SRGAP3: variants seen among roughly 807,000 people sequenced by gnomAD.
SRGAP3 encodes SLIT-ROBO Rho GTPase activating protein 3.
Under a neutral mutation model 121.1 loss-of-function variants are expected in SRGAP3, and 39 were observed. The observed-to-expected ratio is 0.32, with a 90% confidence interval of 0.25 to 0.42. SRGAP3 has a LOEUF of 0.42. SRGAP3 is among the 10% of genes least tolerant of loss of function. The pLI is 1.00. For synonymous variants in SRGAP3, 601 were observed against 570.0 expected, an observed-to-expected ratio of 1.05 and a Z score of -0.77; for missense variants, 1,213 against 1,470.6, an observed-to-expected ratio of 0.82 and a Z score of 2.86.
chr3:9,101,153 G>A (rs1948200476), intron 3 of SRGAP3, among the ~76,000 whole-genome samples: 1 of 152,348 alleles, frequency 6.6e-6, no homozygotes, highest in South Asian at 2.1e-4. Context: ...GAGCTATCCT[G>A]AGAGGTAAGG....
At chr3:9,297,764 C>T (rs1370213408) in intron 3 of SRGAP3, among the ~76,000 whole-genome samples, 1 of 151,964 alleles carries the variant, frequency 6.6e-6, no homozygotes, top group African/African-American at 2.4e-5. Flanking sequence ...GGCATTGTGG[C>T]GTGTGCCTGT....
Position 9,124,703 on chromosome 3 carries a change from G to A in SRGAP3, c.260+22C>T, listed in dbSNP as rs764057360. 5.6e-6 allele frequency: 9 copies of A among 1,613,606 alleles called. No individual in the cohort carries two copies. The Middle Eastern group carries it at 5.0e-4, about 89-fold the overall frequency. ...CCCCAGTGCTGCCTCCCATCTCTGT[G>A]CACCCATACCCAACTTCTTACTTGA... On this transcript the variant is annotated intron_variant, in intron 2 of 21. Transcript: ENST00000383836.
intron 1 of SRGAP3, among the ~76,000 whole-genome samples, chr3:9,179,937 C>T (rs539743078): frequency 6.6e-6 from 1 of 152,344 alleles, no homozygotes; most frequent in East Asian, 1.9e-4. Context: ...GGGCCAGATG[C>T]CCGGTCAATA....
chr3:9,272,103 TG>T (rs1954488485), intron 3 of SRGAP3, among the ~76,000 whole-genome samples: 1 of 152,250 alleles, frequency 6.6e-6, no homozygotes, highest in African/African-American at 2.4e-5. Context: ...CTGCCTTTAC[TG>T]GGCAGCTAGG....
At chr3:9,183,931 T>A (rs1164381557) in intron 1 of SRGAP3, among the ~76,000 whole-genome samples, 1 of 152,080 alleles carries the variant, frequency 6.6e-6, no homozygotes, top group African/African-American at 2.4e-5. Context: ...GAGCCAGTTG[T>A]AGCAGCGACT....
At chr3:9,000,871 A>G (rs1212366909) in intron 18 of SRGAP3, among the ~76,000 whole-genome samples, 2 of 152,238 alleles carry the variant, frequency 1.3e-5, no homozygotes, top group African/African-American at 4.8e-5. Context: ...TCCGGGAAAG[A>G]GACTTCTACC....
chr3:9,097,369 A>C (rs1238591870), intron 3 of SRGAP3, among the ~76,000 whole-genome samples: 2 of 152,150 alleles, frequency 1.3e-5, no homozygotes, highest in African/African-American at 4.8e-5. Context: ...TCCTTACAAC[A>C]ACCTTTTGAT....
intron 3 of SRGAP3, among the ~76,000 whole-genome samples, chr3:9,275,640 T>G (rs2125262604): frequency 6.6e-6 from 1 of 152,322 alleles, no homozygotes; most frequent in African/African-American, 2.4e-5. Flanking sequence ...GATGGTTTTA[T>G]AAGGGGTTTC....
At chr3:9,319,440 T>C (rs971488271) in intron 3 of SRGAP3, among the ~76,000 whole-genome samples, 8 of 151,746 alleles carry the variant, frequency 5.3e-5, no homozygotes, top group African/African-American at 1.9e-4. Context: ...AGTCCTCAAC[T>C]GACAACTGCA....
chr3:9,113,744 C>T (rs1463605416), intron 2 of SRGAP3, among the ~76,000 whole-genome samples: 1 of 151,980 alleles, frequency 6.6e-6, no homozygotes, highest in Non-Finnish European at 1.5e-5. Flanking sequence ...AATGAGTTCT[C>T]ACAAGATCTG....
intron 1 of SRGAP3, among the ~76,000 whole-genome samples, chr3:9,222,260 C>T (rs1452576226): frequency 1.3e-5 from 2 of 152,206 alleles, no homozygotes; most frequent in Non-Finnish European, 2.9e-5. Flanking sequence ...AGTTGAAGTA[C>T]CAGAAATGAC....
intron 1 of SRGAP3, chr3:9,193,226 G>C (rs1178645086): frequency 6.6e-6 from 1 of 152,198 alleles, no homozygotes; most frequent in East Asian, 1.9e-4. Context: ...GCTTGAGGGA[G>C]GTTCTGACCC....
intron 1 of SRGAP3, among the ~76,000 whole-genome samples, chr3:9,171,934 T>C (rs937810954): frequency 2.6e-5 from 4 of 152,018 alleles, no homozygotes; most frequent in African/African-American, 9.7e-5. Context: ...TGTCCTGGCT[T>C]CTGGGGGCTG....
chr3:9,011,094 G>A (rs936972525), intron 17 of SRGAP3, among the ~76,000 whole-genome samples: 20 of 152,114 alleles, frequency 1.3e-4, no homozygotes, highest in Admixed American at 6.5e-4. Context: ...GCAGTGTGCT[G>A]GTAGGAGGGA....
At chr3:9,223,566 C>T (rs1952888778) in intron 1 of SRGAP3, among the ~76,000 whole-genome samples, 1 of 152,164 alleles carries the variant, frequency 6.6e-6, no homozygotes, top group Non-Finnish European at 1.5e-5. Flanking sequence ...CCTCATGATA[C>T]ATTAAAGATA....
In SRGAP3 at chr3:9,006,627, A is replaced by G. The variant is rs527645083; in HGVS notation, c.2227+3681T>C. ...TTGTAAACAGACCAACAGGGGGAGGAGTCAAAGGTAACCTCAAAAATTTCA... is the reference window on the plus strand; with the variant it reads ...TTGTAAACAGACCAACAGGGGGAGGGGTCAAAGGTAACCTCAAAAATTTCA... On this transcript the variant is annotated intron_variant, in intron 18 of 21. Transcript: ENST00000383836. 7.9e-5 allele frequency among the ~76,000 whole-genome samples: 12 copies of G among 152,296 alleles called. No homozygotes were observed. In the East Asian group the frequency reaches 1.7e-3, roughly 22 times the overall value.
chr3:9,301,509 T>C (rs1321128203), intron 3 of SRGAP3, among the ~76,000 whole-genome samples: 1 of 152,230 alleles, frequency 6.6e-6, no homozygotes, highest in Non-Finnish European at 1.5e-5. Context: ...AAATTCTCTC[T>C]TTTGTGCCAC....
At position 9,349,097 on chromosome 3, in the gene SRGAP3, G is replaced by GA. The variant is rs148919400; in HGVS notation, n.214+13742dup. 1.1e-3 allele frequency: 974 copies of GA among 909,766 alleles called. 12 individuals carry two copies. In the East Asian group the frequency reaches 0.023, roughly 22 times the overall value. 56.4% of individuals were successfully genotyped at this position (909,766 alleles called of 1,614,324 possible). On this transcript the variant is annotated intron_variant and non_coding_transcript_variant, in intron 1 of 3. Coordinates refer to the SRGAP3 transcript ENST00000490889. ...TGGTATTCCCGTTGTCTATGAATTG[G>GA]ACAAGAACTTGAAACCCATACAGTT...
chr3:9,310,145 G>A (rs1286733453), intron 3 of SRGAP3, among the ~76,000 whole-genome samples: 1 of 152,198 alleles, frequency 6.6e-6, no homozygotes, highest in African/African-American at 2.4e-5. Flanking sequence ...CTAATCGGTA[G>A]CAGAGCCAAG....
Sources: allele counts gnomAD v4.1 joint callset (sites outside exome capture counted in the v4.1 genomes callset), GRCh38; gene constraint gnomAD v4.1.1; transcripts MANE v1.5; gene names NCBI Gene and HGNC (gene_info 2026-07-23, HGNC 2026-07-21).